Variants in PLAGL1 observed in about 807,000 individuals in gnomAD.
PLAGL1 encodes zinc finger protein PLAGL1.
Under a neutral mutation model 4.6 loss-of-function variants are expected in PLAGL1, and 1 was observed. The ratio of observed to expected loss-of-function variants is 0.22; its 90% CI spans 0.08 to 1.03. The LOEUF (loss-of-function observed/expected upper bound fraction) is 1.03, where lower values mean the gene tolerates loss of function less well. Among genes scored for constraint, PLAGL1 ranks in the 50% least tolerant of loss-of-function variants. The pLI is 0.58. For synonymous variants in PLAGL1, 240 were observed against 237.8 expected, an observed-to-expected ratio of 1.01 and a Z score of -0.08; for missense variants, 464 against 570.4, an observed-to-expected ratio of 0.81 and a Z score of 1.90.
chr6:143,940,733 T>A lies in PLAGL1; in HGVS notation c.*691A>T. On this transcript the variant is annotated 3_prime_UTR_variant, in exon 8 of 8. Transcript: ENST00000674357. ...ACTTAACCTGGTTACACAGTGATTT[T>A]TTTTTTTTTTCTGTCAGATGTAACT... The A allele has an allele frequency of 6.6e-6, 1 of 152,374 alleles. No homozygotes were observed. The highest frequency in any genetic ancestry group is 6.6e-5 in the Admixed American group (1 of 15,244). 9.4% of individuals were successfully genotyped at this position (152,374 alleles called of 1,614,324 possible).
At chr6:144,057,316 A>G (rs550963201) in intron 1 of PLAGL1, among the ~76,000 whole-genome samples, 3 of 152,372 alleles carry the variant, frequency 2.0e-5, no homozygotes, top group Non-Finnish European at 2.9e-5. Flanking sequence ...TCCTTGCTTG[A>G]TAGAAATGTA....
At chr6:144,051,994 C>T (rs992167849) in intron 1 of PLAGL1, among the ~76,000 whole-genome samples, 19 of 152,160 alleles carry the variant, frequency 1.2e-4, no homozygotes, top group Admixed American at 6.5e-4. Context: ...ACAATATTTA[C>T]CTTACCACTC....
rs1793697945 is a variant in PLAGL1, at chr6:144,004,452, C to A, written c.-584+3638G>T. Among the ~76,000 whole-genome samples, 1 of 152,198 alleles carries A rather than the reference C, an allele frequency of 6.6e-6. No individual in the cohort carries two copies. Among genetic ancestry groups the A allele is most frequent in the Non-Finnish European group, 1.5e-5 (1 of 68,020 alleles). On this transcript the variant is annotated intron_variant, in intron 1 of 7. Coordinates refer to ENST00000674357, the MANE Select transcript of PLAGL1 (RefSeq NM_001317162.2). The surrounding 1 kb of genome is among the most constrained non-coding windows in gnomAD (Gnocchi z 4.2). The stretch of plus-strand genomic sequence containing the variant: ...CAAAAATAAAAAACAAACAAAAATT[C>A]TTATACATGCAACATGGATGAATAC...
rs530806195 is a variant in PLAGL1, at chr6:143,970,667, G to A, written c.-543-1689C>T. Among the ~76,000 whole-genome samples, 72 of 152,252 alleles carry A rather than the reference G, an allele frequency of 4.7e-4. 1 individual carries two copies. The highest frequency in any genetic ancestry group is 2.5e-3 in the South Asian group (12 of 4,820). On this transcript the variant is annotated intron_variant, in intron 2 of 7. Coordinates refer to ENST00000674357, the MANE Select transcript of PLAGL1 (RefSeq NM_001317162.2). This position sits in a 1 kb window ranked among gnomAD's most constrained non-coding sequence, Gnocchi z 5.8. ...TTTTTCTACTAGGAAGTTAGCTTAC[G>A]TAGATTAACACACATGTAAACACAG... is the stretch of plus-strand genomic sequence containing the variant.
chr6:144,031,328 T>C (rs1796812563), intron 1 of PLAGL1, among the ~76,000 whole-genome samples: 1 of 152,238 alleles, frequency 6.6e-6, no homozygotes, highest in Non-Finnish European at 1.5e-5. Context: ...TTGTTTCTTT[T>C]GCTATGTGGA....
At chr6:144,002,377 T>TC (rs1174133946) in intron 1 of PLAGL1, among the ~76,000 whole-genome samples, 2 of 152,144 alleles carry the variant, frequency 1.3e-5, no homozygotes, top group African/African-American at 4.8e-5. Flanking sequence ...GGCAAGGATA[T>TC]CCTTTGTTAA....
rs567329517 is a variant in PLAGL1 at position 143,955,214 on chromosome 6, G to A, written c.-325+5255C>T. ...GTGTCACAGAGAAGTAAAAGTTGAAGCTAGCGTAGAAGTTTACAACGTGTT... is the reference window on the plus strand; with the variant it reads ...GTGTCACAGAGAAGTAAAAGTTGAAACTAGCGTAGAAGTTTACAACGTGTT... On this transcript the variant is annotated intron_variant, in intron 6 of 7. Coordinates refer to ENST00000674357, the MANE Select transcript of PLAGL1 (RefSeq NM_001317162.2). The surrounding 1 kb of genome is among the most constrained non-coding windows in gnomAD (Gnocchi z 4.9). Among the ~76,000 whole-genome samples, 1 of 152,296 alleles carries A rather than the reference G, an allele frequency of 6.6e-6. No individual in the cohort carries two copies. Among genetic ancestry groups the A allele is most frequent in the South Asian group, 2.1e-4 (1 of 4,824 alleles).
At position 144,036,743 on chromosome 6, in the gene PLAGL1, G is replaced by A; in HGVS notation, c.-151+27725C>T. 1 of 326,982 alleles carries A rather than the reference G, an allele frequency of 3.1e-6. No homozygotes were observed. Among genetic ancestry groups the A allele is most frequent in the Non-Finnish European group, 5.9e-6 (1 of 170,920 alleles). 20.3% of individuals were successfully genotyped at this position (326,982 alleles called of 1,614,324 possible). ...AGTGAAACTACAGAACAGAAATTGT[G>A]CAACTTCCAGAAAACTGCTCTAAGA... is the stretch of plus-strand genomic sequence containing the variant. On this transcript the variant is annotated intron_variant, in intron 1 of 3. Transcript: ENST00000437412. The surrounding 1 kb of genome is among the most constrained non-coding windows in gnomAD (Gnocchi z 5.1).
rs868785347 is a variant in PLAGL1 at position 144,063,906 on chromosome 6, T to A, written c.-151+562A>T. ...GGCCCAGGTCTCTTTTCTCCCGGAG[T>A]CTGCGGGGACCTCCCCGCCGCAACT... is the stretch of plus-strand genomic sequence containing the variant. On this transcript the variant is annotated intron_variant, in intron 1 of 3. Coordinates refer to the PLAGL1 transcript ENST00000437412. This position sits in a 1 kb window ranked among gnomAD's most constrained non-coding sequence, Gnocchi z 5.7. Among the ~76,000 whole-genome samples, 1 of 151,928 alleles carries A rather than the reference T, an allele frequency of 6.6e-6. No individual in the cohort carries two copies. Among genetic ancestry groups the A allele is most frequent in the Admixed American group, 6.6e-5 (1 of 15,266 alleles).
At position 144,059,344 on chromosome 6, in the gene PLAGL1, T is replaced by C. The variant is rs11968767; in HGVS notation, c.-151+5124A>G. On this transcript the variant is annotated intron_variant, in intron 1 of 3. Coordinates refer to the PLAGL1 transcript ENST00000437412. The surrounding 1 kb of genome is among the most constrained non-coding windows in gnomAD (Gnocchi z 4.9). ...CAGGCCTGGCCCTTTAAGCCATTCT[T>C]TCCTCCTAGGCCTCTGGGCCTACAA... Among the ~76,000 whole-genome samples, 6,904 of 152,274 alleles carry C rather than the reference T, an allele frequency of 0.045. 519 individuals carry two copies. The highest frequency in any genetic ancestry group is 0.16 in the African/African-American group (6,495 of 41,520).
chr6:143,956,554 A>C (rs1782182151), intron 6 of PLAGL1, among the ~76,000 whole-genome samples: 2 of 152,204 alleles, frequency 1.3e-5, no homozygotes, highest in South Asian at 2.1e-4. Context: ...ACAAACAAAC[A>C]AACCCAAAAC....
intron 2 of PLAGL1, among the ~76,000 whole-genome samples, chr6:143,981,066 A>T (rs896362966): frequency 3.9e-5 from 6 of 152,192 alleles, no homozygotes; most frequent in Non-Finnish European, 7.3e-5. Context: ...ATATCCTAAA[A>T]TATTTTCCAT....
rs1781979632 is a variant in PLAGL1 at position 143,955,704 on chromosome 6, G to A, written c.-325+4765C>T. Among the ~76,000 whole-genome samples the A allele has an allele frequency of 6.6e-6, 1 of 152,098 alleles. No individual in the cohort carries two copies. The highest frequency in any genetic ancestry group is 2.4e-5 in the African/African-American group (1 of 41,402). ...GGGACCGATCAGAAGCAGTGGACTT[G>A]CCACCAGATTTCACTTTTTGATGGT... On this transcript the variant is annotated intron_variant, in intron 6 of 7. Coordinates refer to ENST00000674357, the MANE Select transcript of PLAGL1 (RefSeq NM_001317162.2). This position sits in a 1 kb window ranked among gnomAD's most constrained non-coding sequence, Gnocchi z 4.9.
rs546699589 is a variant in PLAGL1, at chr6:143,953,406, A to C, written c.-324-4946T>G. Among the ~76,000 whole-genome samples, 3 of 152,358 alleles carry C rather than the reference A, an allele frequency of 2.0e-5. No homozygotes were observed. In the South Asian group the frequency reaches 6.2e-4, roughly 32 times the overall value. ...TCTTACTTTCTAAGAAATGAGGCTTAAGATAAACAAGAAAGACAAAGTGAA... is the reference window on the plus strand; with the variant it reads ...TCTTACTTTCTAAGAAATGAGGCTTCAGATAAACAAGAAAGACAAAGTGAA... On this transcript the variant is annotated intron_variant, in intron 6 of 7. Coordinates refer to ENST00000674357, the MANE Select transcript of PLAGL1 (RefSeq NM_001317162.2). This position sits in a 1 kb window ranked among gnomAD's most constrained non-coding sequence, Gnocchi z 5.3.
intron 1 of PLAGL1, among the ~76,000 whole-genome samples, chr6:143,991,796 CTG>C (rs1790530618): frequency 6.6e-6 from 1 of 152,244 alleles, no homozygotes; most frequent in African/African-American, 2.4e-5. Flanking sequence ...TTTCCTAGAT[CTG>C]TGTTTTTAAG....
At position 143,990,639 on chromosome 6, in the gene PLAGL1, T is replaced by C. The variant is rs1790276161; in HGVS notation, c.-583-5465A>G. 1.3e-5 allele frequency among the ~76,000 whole-genome samples: 2 copies of C among 152,220 alleles called. No individual in the cohort carries two copies. Among genetic ancestry groups the C allele is most frequent in the Non-Finnish European group, 2.9e-5 (2 of 68,040 alleles). On this transcript the variant is annotated intron_variant, in intron 1 of 7. Transcript: ENST00000674357. The surrounding 1 kb of genome is among the most constrained non-coding windows in gnomAD (Gnocchi z 5.4). ...ATCAAAGCAATTCTTATTATCCTCA[T>C]TTTAAAAACCAGGACACTGAGGCTC...
Position 143,958,301 on chromosome 6 carries a change from T to C in PLAGL1, c.-325+2168A>G, listed in dbSNP as rs1782597575. Among the ~76,000 whole-genome samples, 1 of 152,226 alleles carries C rather than the reference T, an allele frequency of 6.6e-6. No individual in the cohort carries two copies. The highest frequency in any genetic ancestry group is 2.4e-5 in the African/African-American group (1 of 41,460). On this transcript the variant is annotated intron_variant, in intron 6 of 7. Coordinates refer to ENST00000674357, the MANE Select transcript of PLAGL1 (RefSeq NM_001317162.2). This position sits in a 1 kb window ranked among gnomAD's most constrained non-coding sequence, Gnocchi z 5.1. ...CAGATTGAAAGGTACTGTTCTGAAA[T>C]GCTAACTGGTTCTTTTTACATGAGA...
intron 7 of PLAGL1, among the ~76,000 whole-genome samples, chr6:143,946,069 A>T (rs1324463671): frequency 6.6e-6 from 1 of 152,202 alleles, no homozygotes; most frequent in East Asian, 1.9e-4. Context: ...TACCCCTGTC[A>T]TACCCAAATA....
intron 1 of PLAGL1, among the ~76,000 whole-genome samples, chr6:143,998,715 G>A (rs1792203534): frequency 6.6e-6 from 1 of 151,948 alleles, no homozygotes; most frequent in Non-Finnish European, 1.5e-5. Context: ...TAGCTAGTAG[G>A]GTTGTAGAGT....
Sources: gnomAD v4.1 joint callset for allele counts (sites outside exome capture counted in the v4.1 genomes callset) on GRCh38, gnomAD v4.1.1 for gene constraint, Gnocchi (gnomAD v3.1) non-coding constraint, MANE v1.5 for transcripts, NCBI Gene and HGNC (gene_info 2026-07-23, HGNC 2026-07-21) for gene names.